Variants in CCDC175 observed in about 807,000 individuals in gnomAD.
The protein encoded by CCDC175 is coiled-coil domain containing 175, also known as coiled-coil domain-containing protein 175.
A neutral mutation model predicts 114.6 loss-of-function variants in CCDC175; 100 were observed. That is an observed-to-expected ratio of 0.87 (90% CI 0.74 to 1.03). The LOEUF (loss-of-function observed/expected upper bound fraction) is 1.03, where lower values mean the gene tolerates loss of function less well. Ranked by LOEUF, CCDC175 falls within the 50% of genes least tolerant of loss-of-function variation. CCDC175 has a pLI of 0.00. For missense variants in CCDC175, 880 were observed against 917.8 expected, an observed-to-expected ratio of 0.96 and a Z score of 0.53; for synonymous variants, 306 against 308.7, an observed-to-expected ratio of 0.99 and a Z score of 0.09.
At chr14:59,549,983 T>C (rs1025292848) in intron 8 of CCDC175, among the ~76,000 whole-genome samples, 11 of 151,826 alleles carry the variant, frequency 7.2e-5, no homozygotes, top group Non-Finnish European at 1.3e-4. Flanking sequence ...CGATCTCAGC[T>C]CACTGCAACC....
intron 6 of CCDC175, among the ~76,000 whole-genome samples, chr14:59,562,731 G>T (rs543931907): frequency 6.6e-6 from 1 of 152,218 alleles, no homozygotes; most frequent in East Asian, 1.9e-4. Context: ...GCTAGTTGGT[G>T]GTGCACTCGA....
At chr14:59,545,366 A>G in intron 8 of CCDC175, 67 bp from the exon 9 acceptor site, 1 of 1,452,384 alleles carries the variant, frequency 6.9e-7, no homozygotes, top group Non-Finnish European at 9.2e-7. Flanking sequence ...CATCTGCATC[A>G]GGTGGCAACT....
At chr14:59,542,439 C>T (rs913168953) in intron 10 of CCDC175, among the ~76,000 whole-genome samples, 1 of 151,816 alleles carries the variant, frequency 6.6e-6, no homozygotes, top group Admixed American at 6.6e-5. Flanking sequence ...ATGCATCCTC[C>T]TTTGATCCAG....
At chr14:59,526,520 C>T (rs1257489987) in intron 15 of CCDC175, among the ~76,000 whole-genome samples, 4 of 150,532 alleles carry the variant, frequency 2.7e-5, no homozygotes. Context: ...TGTGCCACTG[C>T]ACTCGAGCCT....
chr14:59,572,294 A>G (rs1896885947), intron 3 of CCDC175, among the ~76,000 whole-genome samples: 1 of 152,168 alleles, frequency 6.6e-6, no homozygotes, highest in Non-Finnish European at 1.5e-5. Context: ...GTATGAATGA[A>G]CCTTGAGGAT....
At chr14:59,506,516 G>T (rs1374661869) in intron 19 of CCDC175, among the ~76,000 whole-genome samples, 3 of 152,048 alleles carry the variant, frequency 2.0e-5, no homozygotes, top group Non-Finnish European at 2.9e-5. Flanking sequence ...TTGCACTCCT[G>T]ACCTCAAGTG....
chr14:59,554,504 G>A (rs11158261), intron 7 of CCDC175, among the ~76,000 whole-genome samples: 79,987 of 152,078 alleles, frequency 0.53, 22,031 homozygotes, highest in East Asian at 0.82. Flanking sequence ...ATGCCCACAA[G>A]AGAAAGCAGG....
intron 6 of CCDC175, 26 bp from the exon 7 acceptor site, chr14:59,561,254 G>A (rs1461377398): frequency 7.9e-7 from 1 of 1,262,758 alleles, no homozygotes; most frequent in African/African-American, 1.5e-5. Flanking sequence ...CAAAAATATG[G>A]CATCCAATCA....
intron 19 of CCDC175, among the ~76,000 whole-genome samples, chr14:59,509,208 CACTT>C (rs1273918717): frequency 2.0e-5 from 3 of 152,166 alleles, no homozygotes; most frequent in African/African-American, 7.2e-5. Flanking sequence ...GTGCCCTTGA[CACTT>C]ACAGATGATT....
intron 13 of CCDC175, among the ~76,000 whole-genome samples, chr14:59,534,000 A>AAAG (rs1303202133): frequency 1.3e-5 from 2 of 151,858 alleles, no homozygotes; most frequent in East Asian, 1.9e-4. Context: ...AAAAAAAAAA[A>AAAG]AAAAAAGAAA....
intron 7 of CCDC175, 38 bp from the exon 8 acceptor site, chr14:59,551,474 C>A: frequency 8.9e-7 from 1 of 1,122,814 alleles, no homozygotes; most frequent in Non-Finnish European, 1.2e-6. Flanking sequence ...CATATAAGAA[C>A]ATACTTTTGA....
chr14:59,520,166 AT>A (rs1306445386), intron 17 of CCDC175, among the ~76,000 whole-genome samples: 3 of 152,242 alleles, frequency 2.0e-5, no homozygotes, highest in African/African-American at 7.2e-5. Context: ...ACAAAAGATA[AT>A]ATTCAAATGG....
chr14:59,555,015 A>C (rs574775176), intron 7 of CCDC175, among the ~76,000 whole-genome samples: 20 of 152,334 alleles, frequency 1.3e-4, no homozygotes, highest in Middle Eastern at 3.4e-3. Context: ...AGACGGATTC[A>C]CAGCAGAATT....
chr14:59,570,034 G>A (rs1267738235), intron 3 of CCDC175, among the ~76,000 whole-genome samples: 1 of 152,186 alleles, frequency 6.6e-6, no homozygotes, highest in African/African-American at 2.4e-5. Flanking sequence ...GGAACTTGCT[G>A]GAAATCTGCT....
chr14:59,523,317 T>C (rs1162638937), intron 16 of CCDC175, among the ~76,000 whole-genome samples: 1 of 152,224 alleles, frequency 6.6e-6, no homozygotes, highest in Non-Finnish European at 1.5e-5. Flanking sequence ...TAGTACCTAT[T>C]ATGCCATTTT....
At chr14:59,510,240 G>C (rs1892666116) in intron 19 of CCDC175, among the ~76,000 whole-genome samples, 1 of 152,144 alleles carries the variant, frequency 6.6e-6, no homozygotes, top group Admixed American at 6.5e-5. Context: ...AGCCCCCGCA[G>C]CCATCACTAG....
At chr14:59,519,217 A>T (rs942814775) in intron 17 of CCDC175, among the ~76,000 whole-genome samples, 3 of 152,182 alleles carry the variant, frequency 2.0e-5, no homozygotes, top group Admixed American at 2.0e-4. Flanking sequence ...CCTAATGTTA[A>T]ATGATGAGTT....
chr14:59,545,553 T>C (rs1895052347), intron 8 of CCDC175, among the ~76,000 whole-genome samples: 1 of 152,204 alleles, frequency 6.6e-6, no homozygotes, highest in Non-Finnish European at 1.5e-5. Context: ...CATATTGAAA[T>C]GCAAAATGGG....
chr14:59,519,876 C>A (rs534035875), intron 17 of CCDC175, among the ~76,000 whole-genome samples: 1 of 152,334 alleles, frequency 6.6e-6, no homozygotes, highest in East Asian at 1.9e-4. Context: ...TGGAACCCAG[C>A]AGGCCAAACT....
Sources: allele counts gnomAD v4.1 joint callset (sites outside exome capture counted in the v4.1 genomes callset), GRCh38; gene constraint gnomAD v4.1.1; transcripts MANE v1.5; gene names NCBI Gene and HGNC (gene_info 2026-07-23, HGNC 2026-07-21).